IMMP2L: variants seen among roughly 807,000 people sequenced by gnomAD.
IMMP2L encodes mitochondrial inner membrane protease subunit 2.
In IMMP2L, 18 loss-of-function variants were observed where a neutral mutation model predicts 19.3. That is an observed-to-expected ratio of 0.93 (90% CI 0.64 to 1.38). The LOEUF is 1.38. Among genes scored for constraint, IMMP2L ranks in the 40% most tolerant of loss-of-function variants. The probability of loss-of-function intolerance (pLI) is 0.00; values close to 1 mark genes in which losing one functional copy is unlikely to be tolerated. For missense variants in IMMP2L, 233 were observed against 218.2 expected (o/e 1.07, Z -0.43); for synonymous variants, 76 against 73.0 (o/e 1.04, Z -0.21).
rs1808407210 is a variant in IMMP2L at position 110,870,366 on chromosome 7, T to C, written c.408+16227A>G. On this transcript the variant is annotated intron_variant, in intron 5 of 5. Transcript: ENST00000405709. The surrounding 1 kb of genome is among the most constrained non-coding windows in gnomAD (Gnocchi z 4.2). ...CACTCACAGAACAGAAATTTGTTTA[T>C]TTATTTAACAAAATGTAGTAGGTGC... 6.6e-6 allele frequency among the ~76,000 whole-genome samples: 1 copy of C among 152,136 alleles called. No individual in the cohort carries two copies. The highest frequency in any genetic ancestry group is 6.6e-5 in the Admixed American group (1 of 15,264).
At chr7:110,841,724 T>C (rs935121327) in intron 5 of IMMP2L, among the ~76,000 whole-genome samples, 10 of 151,978 alleles carry the variant, frequency 6.6e-5, no homozygotes, top group African/African-American at 2.4e-4. Flanking sequence ...AAGAGGAAAA[T>C]CAATTTTCAG....
At chr7:111,268,123 A>G (rs1818020330) in intron 3 of IMMP2L, among the ~76,000 whole-genome samples, 1 of 152,152 alleles carries the variant, frequency 6.6e-6, no homozygotes, top group South Asian at 2.1e-4. Context: ...TCATCAACAC[A>G]GCACCACCAT....
intron 3 of IMMP2L, among the ~76,000 whole-genome samples, chr7:111,463,097 C>G (rs1475077139): frequency 6.6e-6 from 1 of 152,042 alleles, no homozygotes; most frequent in Non-Finnish European, 1.5e-5. Flanking sequence ...CCATGCCTTT[C>G]TCCTAGTTTC....
chr7:110,753,261 A>T (rs1335528508), intron 5 of IMMP2L, among the ~76,000 whole-genome samples: 1 of 152,016 alleles, frequency 6.6e-6, no homozygotes, highest in Non-Finnish European at 1.5e-5. Flanking sequence ...TACCTACTTA[A>T]ATAGAAGACT....
At chr7:110,886,907 A>T (rs747697244) in intron 4 of IMMP2L, among the ~76,000 whole-genome samples, 1 of 152,146 alleles carries the variant, frequency 6.6e-6, no homozygotes, top group Non-Finnish European at 1.5e-5. Flanking sequence ...ATAGGTAAGA[A>T]TTTTGTGCTT....
Position 111,123,869 on chromosome 7 carries a change from A to G in IMMP2L, c.240-160304T>C, listed in dbSNP as rs754578825. On this transcript the variant is annotated intron_variant, in intron 3 of 5. Transcript: ENST00000405709. The surrounding 1 kb of genome is among the most constrained non-coding windows in gnomAD (Gnocchi z 6.4). ...CCAAACCTCAAGGAAATCAGCATAC[A>G]CAGTAACCCCATCAGGTGTGACTGT... is the stretch of plus-strand genomic sequence containing the variant. The G allele has an allele frequency of 1.9e-6, 3 of 1,614,040 alleles. No individual in the cohort carries two copies. The highest frequency in any genetic ancestry group is 1.7e-6 in the Non-Finnish European group (2 of 1,179,996).
intron 3 of IMMP2L, among the ~76,000 whole-genome samples, chr7:111,447,351 C>A (rs745929476): frequency 1.4e-5 from 2 of 141,522 alleles, no homozygotes; most frequent in Non-Finnish European, 3.1e-5. Context: ...AGACTAACAG[C>A]GGATCTCTCG....
At chr7:110,690,473 AAG>A (rs1424378186) in intron 5 of IMMP2L, among the ~76,000 whole-genome samples, 2 of 152,150 alleles carry the variant, frequency 1.3e-5, no homozygotes, top group Non-Finnish European at 2.9e-5. Flanking sequence ...AGGCAAGAGA[AAG>A]AGATAAAGGG....
At chr7:110,774,080 AAAAAC>A (rs570519085) in intron 5 of IMMP2L, among the ~76,000 whole-genome samples, 1 of 152,084 alleles carries the variant, frequency 6.6e-6, no homozygotes, top group Non-Finnish European at 1.5e-5. Context: ...GGGAAGGCTG[AAAAAC>A]TTTATAAGGG....
chr7:111,286,580 C>T (rs1820508632), intron 3 of IMMP2L, among the ~76,000 whole-genome samples: 2 of 151,960 alleles, frequency 1.3e-5, no homozygotes, highest in Non-Finnish European at 2.9e-5. Context: ...TCATAGAGAC[C>T]GTTTTGATAA....
chr7:110,703,650 G>C (rs1401816235), intron 5 of IMMP2L, among the ~76,000 whole-genome samples: 1 of 152,078 alleles, frequency 6.6e-6, no homozygotes, highest in African/African-American at 2.4e-5. Flanking sequence ...GGGGAACAAA[G>C]AAATTCACAG....
At chr7:111,031,632 G>A (rs570833919) in intron 3 of IMMP2L, among the ~76,000 whole-genome samples, 3 of 152,174 alleles carry the variant, frequency 2.0e-5, no homozygotes, top group South Asian at 4.1e-4. Context: ...TATATCCAAC[G>A]GAGGAAATCC....
At chr7:111,110,541 TGA>T (rs1251015470) in intron 3 of IMMP2L, among the ~76,000 whole-genome samples, 2 of 152,202 alleles carry the variant, frequency 1.3e-5, no homozygotes, top group African/African-American at 4.8e-5. Context: ...GTTTGGATGT[TGA>T]GCTCCAAGCC....
At chr7:111,030,858 ATG>A (rs1294107205) in intron 3 of IMMP2L, among the ~76,000 whole-genome samples, 3 of 126,104 alleles carry the variant, frequency 2.4e-5, no homozygotes, top group East Asian at 2.4e-4. Context: ...GTATATACAT[ATG>A]TGTGTGTATG....
intron 3 of IMMP2L, among the ~76,000 whole-genome samples, chr7:111,318,970 T>A (rs1824391408): frequency 6.6e-6 from 1 of 152,126 alleles, no homozygotes; most frequent in African/African-American, 2.4e-5. Context: ...AAGTGAACTA[T>A]TTTGCTATCA....
At position 110,715,999 on chromosome 7, in the gene IMMP2L, T is replaced by C. The variant is rs538561871; in HGVS notation, c.409-52278A>G. On this transcript the variant is annotated intron_variant, in intron 5 of 5. Transcript: ENST00000405709. ...AAGTCTTCTTGCTGAATTGAACCCT[T>C]CATCATTATGTAATGCCCTTCTTTT... Among the ~76,000 whole-genome samples the C allele has an allele frequency of 2.2e-4, 34 of 152,256 alleles. No individual in the cohort carries two copies. In the South Asian group the frequency reaches 7.0e-3, roughly 32 times the overall value.
At chr7:110,927,199 C>T (rs1814950180) in intron 4 of IMMP2L, among the ~76,000 whole-genome samples, 1 of 152,054 alleles carries the variant, frequency 6.6e-6, no homozygotes, top group Non-Finnish European at 1.5e-5. Flanking sequence ...GTCTCTCTCT[C>T]CCTCCTGTCC....
intron 3 of IMMP2L, among the ~76,000 whole-genome samples, chr7:111,171,150 G>A (rs1414904404): frequency 8.4e-6 from 1 of 119,072 alleles, no homozygotes; most frequent in African/African-American, 2.8e-5. Flanking sequence ...TTCTTCATGA[G>A]CATTCTTAGA....
chr7:111,088,421 A>G (rs1458238527), intron 3 of IMMP2L, among the ~76,000 whole-genome samples: 2 of 152,182 alleles, frequency 1.3e-5, no homozygotes, highest in Non-Finnish European at 1.5e-5. Flanking sequence ...ATTTCTCTGA[A>G]GCTTTAGTGC....
Sources: gnomAD v4.1 joint callset for allele counts (sites outside exome capture counted in the v4.1 genomes callset) on GRCh38, gnomAD v4.1.1 for gene constraint, Gnocchi (gnomAD v3.1) non-coding constraint, MANE v1.5 for transcripts, NCBI Gene and HGNC (gene_info 2026-07-23, HGNC 2026-07-21) for gene names.